The following ITGB4 variants were observed in gnomAD, a reference collection of about 807,000 sequenced individuals.
The protein encoded by ITGB4 is integrin beta-4.
Under a neutral mutation model 207.6 loss-of-function variants are expected in ITGB4, and 159 were observed. That is an observed-to-expected ratio of 0.77 (90% CI 0.67 to 0.87). ITGB4 has a LOEUF of 0.87. Among genes scored for constraint, ITGB4 ranks in the 40% least tolerant of loss-of-function variants. ITGB4 has a pLI of 0.00. For missense variants in ITGB4, 2,278 were observed against 2,546.8 expected (o/e 0.89, Z 2.27); for synonymous variants, 1,020 against 1,062.7 (o/e 0.96, Z 0.78).
At position 75,731,633 on chromosome 17, in the gene ITGB4, G is replaced by A. The variant is rs932219502; in HGVS notation, c.1216-179G>A. 2.6e-5 allele frequency among the ~76,000 whole-genome samples: 4 copies of A among 152,190 alleles called. No individual in the cohort carries two copies. The highest frequency in any genetic ancestry group is 9.7e-5 in the African/African-American group (4 of 41,440). The stretch of plus-strand genomic sequence containing the variant: ...AGAGGCCCTGGCCACTGTCATTGTC[G>A]CTATGATTGTGACTGCGCTGGGAAG... On this transcript the variant is annotated intron_variant, in intron 10 of 39. Coordinates refer to ENST00000200181, the MANE Select transcript of ITGB4 (RefSeq NM_000213.5). This position sits in a 1 kb window ranked among gnomAD's most constrained non-coding sequence, Gnocchi z 6.8.
Position 75,739,703 on chromosome 17 carries a change from G to C in ITGB4, c.2252G>C (p.Arg751Pro), listed in dbSNP as rs774290507. Residue 751 changes from arginine to proline, a missense_variant and splice_region_variant, in exon 19 of 40, where the codon CGA becomes CCA. Arg to Pro is a moderately radical substitution (Grantham distance 103). Transcript: ENST00000200181. The surrounding 1 kb of genome is among the most constrained non-coding windows in gnomAD (Gnocchi z 5.4). ...ACLALLPCCN[R>P]GHMVGFKEDH... ...CTGGCACTTCTCCCGTGCTGCAACC[G>C]AGGTATGGGCCTGGCATCGCAGGGG... The C allele has an allele frequency of 1.2e-6, 2 of 1,614,118 alleles. No individual in the cohort carries two copies. Among genetic ancestry groups the C allele is most frequent in the Non-Finnish European group, 1.7e-6 (2 of 1,180,016 alleles).
rs2061010673 is a variant in ITGB4 at position 75,737,609 on chromosome 17, C to T, written c.2185C>T (p.Leu729=). Residue 729 remains leucine, a synonymous_variant, in exon 18 of 40, where the codon CTG becomes TTG. Transcript: ENST00000200181. ...CCTCCTGCCGCTCCTGGCCCTGCTACTGCTGCTATGCTGGAAGTACTGTGC... is the reference window on the plus strand; with the variant it reads ...CCTCCTGCCGCTCCTGGCCCTGCTATTGCTGCTATGCTGGAAGTACTGTGC... ...LLLLPLLALL[L]LLCWKYCACC... 1 of 1,613,250 alleles carries T rather than the reference C, an allele frequency of 6.2e-7. No homozygotes were observed. Among genetic ancestry groups the T allele is most frequent in the African/African-American group, 1.3e-5 (1 of 74,882 alleles).
chr17:75,755,054 G>A, intron 34 of ITGB4: 1 of 1,596,186 alleles, frequency 6.3e-7, no homozygotes, highest in Non-Finnish European at 8.5e-7. Flanking sequence ...TCCTGCCCTA[G>A]GCCTCCCTCC....
chr17:75,741,122 T>C, intron 23 of ITGB4, 117 bp downstream of exon 23: 1 of 1,195,030 alleles, frequency 8.4e-7, no homozygotes, highest in Non-Finnish European at 1.2e-6. Flanking sequence ...GAGGGTCAGA[T>C]GTGTCCGTCA....
At position 75,728,451 on chromosome 17, in the gene ITGB4, C is replaced by T; in HGVS notation, c.544C>T (p.Gln182Ter). The change falls in exon 6 of 40, where the codon CAG becomes TAG. Residue 182 changes from glutamine (Q) to a stop codon, truncating the protein, a stop_gained. Coordinates refer to ENST00000200181, the MANE Select transcript of ITGB4 (RefSeq NM_000213.5). LOFTEE classifies it high-confidence loss of function. ...GTTTGTGGACAAAGTCAGCGTCCCGCAGACGGACATGAGGCCTGAGAAGTA... is the reference window on the plus strand; with the variant it reads ...GTTTGTGGACAAAGTCAGCGTCCCGTAGACGGACATGAGGCCTGAGAAGTA... ...GKFVDKVSVP[Q>*]TDMRPEKLKE... The T allele has an allele frequency of 6.2e-7, 1 of 1,614,052 alleles. No homozygotes were observed. The highest frequency in any genetic ancestry group is 8.5e-7 in the Non-Finnish European group (1 of 1,179,926).
intron 35 of ITGB4, 113 bp downstream of exon 35, chr17:75,755,963 T>A: frequency 1.5e-6 from 2 of 1,305,414 alleles, no homozygotes; most frequent in Non-Finnish European, 2.1e-6. Flanking sequence ...CCTTGAGCGC[T>A]AAAGCCCCCA....
intron 26 of ITGB4, chr17:75,746,269 G>A (rs915543335): frequency 6.6e-6 from 1 of 152,028 alleles, no homozygotes; most frequent in African/African-American, 2.4e-5. Context: ...TTGAGACGGA[G>A]TCTCACTCTG....
chr17:75,724,546 C>T, intron 1 of ITGB4, 148 bp from the exon 2 acceptor site: 1 of 727,116 alleles, frequency 1.4e-6, no homozygotes, highest in South Asian at 1.5e-5. Context: ...GAGTCCGAGG[C>T]CCAGGGCCCT....
intron 26 of ITGB4, 148 bp from the exon 27 acceptor site, chr17:75,748,693 A>T: frequency 1.6e-6 from 1 of 634,282 alleles, no homozygotes. Flanking sequence ...AACAAAAAAA[A>T]CACAAAAACC....
chr17:75,743,927 C>T, intron 26 of ITGB4, 66 bp downstream of exon 26: 3 of 1,500,174 alleles, frequency 2.0e-6, no homozygotes, highest in Non-Finnish European at 2.7e-6. Context: ...ATTGGGTTCC[C>T]AAGACAAAGC....
chr17:75,753,223 G>A (rs1283757684), intron 32 of ITGB4, among the ~76,000 whole-genome samples: 1 of 152,226 alleles, frequency 6.6e-6, no homozygotes, highest in Non-Finnish European at 1.5e-5. Context: ...AGCTGCCCCC[G>A]GTGAACACAT....
In ITGB4 at chr17:75,731,763, CT is replaced by C; in HGVS notation, c.1216-48del. ...AGGGCCTTCAGGCATCGATGGCCCCCTGGTCCTTGGGGCTGGGCCTGCCTTG... is the reference window on the plus strand; with the variant it reads ...AGGGCCTTCAGGCATCGATGGCCCCCGGTCCTTGGGGCTGGGCCTGCCTTG... On this transcript the variant is annotated intron_variant, in intron 10 of 39. Coordinates refer to ENST00000200181, the MANE Select transcript of ITGB4 (RefSeq NM_000213.5). This position sits in a 1 kb window ranked among gnomAD's most constrained non-coding sequence, Gnocchi z 6.8. 6.5e-7 allele frequency: 1 copy of C among 1,530,394 alleles called. No individual in the cohort carries two copies. The highest frequency in any genetic ancestry group is 8.8e-7 in the Non-Finnish European group (1 of 1,134,402). 94.8% of individuals were successfully genotyped at this position (1,530,394 alleles called of 1,614,324 possible).
chr17:75,750,087 C>T lies in ITGB4; in HGVS notation c.3317-24C>T. The T allele has an allele frequency of 3.1e-6, 5 of 1,613,334 alleles. No homozygotes were observed. Among genetic ancestry groups the T allele is most frequent in the South Asian group, 1.1e-5 (1 of 91,080 alleles). On this transcript the variant is annotated intron_variant, in intron 27 of 39. Transcript: ENST00000200181. The surrounding 1 kb of genome is among the most constrained non-coding windows in gnomAD (Gnocchi z 5.5). ...TGGTGAAGGGGGATCTGAGTGGTTG[C>T]CCGGCCCCAACCTGACCCGTTAGAT...
chr17:75,722,193 A>T lies in ITGB4; in HGVS notation c.-11+581A>T, dbSNP rs374654907. On this transcript the variant is annotated intron_variant, in intron 1 of 39. Transcript: ENST00000200181. This position sits in a 1 kb window ranked among gnomAD's most constrained non-coding sequence, Gnocchi z 6.2. ...CTGCCTTCCTCCCAAAGTCAGCCCC[A>T]GGCGCCTTCCTTCAGGAAGCTCTAC... Among the ~76,000 whole-genome samples, 1 of 152,060 alleles carries T rather than the reference A, an allele frequency of 6.6e-6. No individual in the cohort carries two copies. Among genetic ancestry groups the T allele is most frequent in the East Asian group, 1.9e-4 (1 of 5,170 alleles).
chr17:75,731,103 C>G lies in ITGB4; in HGVS notation c.1092+139C>G. On this transcript the variant is annotated intron_variant, in intron 9 of 39. Transcript: ENST00000200181. The surrounding 1 kb of genome is among the most constrained non-coding windows in gnomAD (Gnocchi z 6.8). ...AGTGAGGAAGGGTCTCTAGCTATCC[C>G]TGAGGCCCCGAGGGGCCACCTGGGC... is the stretch of plus-strand genomic sequence containing the variant. 1 of 1,452,630 alleles carries G rather than the reference C, an allele frequency of 6.9e-7. No homozygotes were observed. Among genetic ancestry groups the G allele is most frequent in the Non-Finnish European group, 9.5e-7 (1 of 1,049,444 alleles). 90.0% of individuals were successfully genotyped at this position (1,452,630 alleles called of 1,614,324 possible).
intron 13 of ITGB4, among the ~76,000 whole-genome samples, chr17:75,734,127 GTTTTTTTTTTTTT>G (rs58249158): frequency 2.6e-5 from 2 of 76,058 alleles, no homozygotes; most frequent in African/African-American, 1.2e-4. Context: ...TGTTGCTGCT[GTTTTTTTTTTTTT>G]TTTTTTTTTT....
At chr17:75,737,820 T>C (rs2061016207) in intron 18 of ITGB4, among the ~76,000 whole-genome samples, 176 bp downstream of exon 18, 1 of 135,036 alleles carries the variant, frequency 7.4e-6, no homozygotes, top group African/African-American at 2.9e-5. Context: ...GTCCCCATCC[T>C]CCACCACGGT....
At position 75,756,723 on chromosome 17, in the gene ITGB4, C is replaced by G; in HGVS notation, c.4917C>G (p.Ser1639Arg). The G allele has an allele frequency of 6.2e-7, 1 of 1,613,358 alleles. No individual in the cohort carries two copies. Among genetic ancestry groups the G allele is most frequent in the South Asian group, 1.1e-5 (1 of 91,076 alleles). The part of the protein sequence containing the change: ...CPLPGSAFTL[S>R]TPSAPGPLVF... ...CCCCAGGCTCCGCCTTCACTTTGAG[C>G]ACTCCCAGTGCCCCAGGCCCGCTGG... Residue 1639 changes from serine to arginine, a missense_variant, in exon 37 of 40, where the codon AGC (serine) becomes AGG (arginine). Transcript: ENST00000200181.
At chr17:75,755,594 C>A in intron 34 of ITGB4, 107 bp from the exon 35 acceptor site, 1 of 1,424,258 alleles carries the variant, frequency 7.0e-7, no homozygotes, top group Non-Finnish European at 9.8e-7. Flanking sequence ...AGCCAGCGGT[C>A]AGTGTAGACA....
Sources: allele counts gnomAD v4.1 joint callset (sites outside exome capture counted in the v4.1 genomes callset), GRCh38; gene constraint gnomAD v4.1.1; non-coding constraint Gnocchi (gnomAD v3.1); transcripts MANE v1.5; gene names NCBI Gene and HGNC (gene_info 2026-07-23, HGNC 2026-07-21).